Variants in BCAS3 observed in about 807,000 individuals in gnomAD.
BCAS3 encodes BCAS3 microtubule associated cell migration factor.
In BCAS3, 53 loss-of-function variants were observed where a neutral mutation model predicts 116.1. The observed-to-expected ratio is 0.46, with a 90% CI of 0.37 to 0.57. The LOEUF (loss-of-function observed/expected upper bound fraction) is 0.57, where lower values mean the gene tolerates loss of function less well. Ranked by LOEUF, BCAS3 falls within the 20% of genes least tolerant of loss-of-function variation. The probability of loss-of-function intolerance (pLI) is 0.00; values close to 1 mark genes in which losing one functional copy is unlikely to be tolerated. For missense variants in BCAS3, 917 were observed against 1,165.4 expected (o/e 0.79, Z 3.10); for synonymous variants, 391 against 408.2 (o/e 0.96, Z 0.51).
intron 6 of BCAS3, among the ~76,000 whole-genome samples, chr17:60,786,526 T>A (rs995401236): frequency 1.4e-5 from 2 of 146,132 alleles, no homozygotes; most frequent in African/African-American, 5.4e-5. Context: ...TATCTCAACA[T>A]TCCCCACTGC....
intron 4 of BCAS3, among the ~76,000 whole-genome samples, chr17:60,700,171 C>G (rs574750104): frequency 1.1e-4 from 14 of 131,840 alleles, no homozygotes; most frequent in Non-Finnish European, 1.6e-4. Context: ...GAGACCCTGT[C>G]TCAAAAAAAA....
At chr17:61,040,233 G>T (rs1050712870) in intron 18 of BCAS3, among the ~76,000 whole-genome samples, 3 of 152,274 alleles carry the variant, frequency 2.0e-5, no homozygotes, top group African/African-American at 4.8e-5. Flanking sequence ...TACTATGCTG[G>T]ATTGATCTGA....
intron 12 of BCAS3, among the ~76,000 whole-genome samples, chr17:60,922,559 T>C (rs541349057): frequency 3.3e-5 from 5 of 152,290 alleles, no homozygotes; most frequent in East Asian, 3.9e-4. Flanking sequence ...AAATAATTGA[T>C]AGAACAACTA....
intron 22 of BCAS3, among the ~76,000 whole-genome samples, chr17:61,301,944 A>G (rs2053478859): frequency 6.6e-6 from 1 of 152,330 alleles, no homozygotes; most frequent in East Asian, 1.9e-4. Flanking sequence ...AAATGTCTGC[A>G]TATTTTCATA....
intron 22 of BCAS3, among the ~76,000 whole-genome samples, chr17:61,158,287 T>C (rs189200680): frequency 6.6e-6 from 1 of 152,340 alleles, no homozygotes; most frequent in Non-Finnish European, 1.5e-5. Flanking sequence ...TACTTGTGCC[T>C]TTATACCACA....
intron 22 of BCAS3, among the ~76,000 whole-genome samples, chr17:61,329,725 T>C (rs549094340): frequency 5.9e-5 from 9 of 152,240 alleles, no homozygotes; most frequent in African/African-American, 2.2e-4. Context: ...TGACTGACTA[T>C]GGAATAGCTC....
chr17:61,316,309 A>G lies in BCAS3; in HGVS notation c.2426-52018A>G, dbSNP rs1160509190. The stretch of plus-strand genomic sequence containing the variant: ...TGATAGAGTGAGACTCCATCTCAAT[A>G]ATAATAATATTAATAGTAATATAGC... On this transcript the variant is annotated intron_variant, in intron 22 of 23. Transcript: ENST00000407086. The surrounding 1 kb of genome is among the most constrained non-coding windows in gnomAD (Gnocchi z 5.8). Among the ~76,000 whole-genome samples the G allele has an allele frequency of 6.6e-6, 1 of 152,066 alleles. No individual in the cohort carries two copies.
At chr17:61,191,862 A>G (rs2080150133) in intron 22 of BCAS3, among the ~76,000 whole-genome samples, 1 of 152,162 alleles carries the variant, frequency 6.6e-6, no homozygotes, top group Admixed American at 6.5e-5. Flanking sequence ...GTAACTCAGT[A>G]ACAATTTTAG....
chr17:60,714,386 G>A (rs1253981262), intron 5 of BCAS3, among the ~76,000 whole-genome samples: 1 of 152,036 alleles, frequency 6.6e-6, no homozygotes. Flanking sequence ...TAATATAACT[G>A]TCCCGCGGTG....
intron 22 of BCAS3, among the ~76,000 whole-genome samples, chr17:61,125,718 C>G (rs2076015596): frequency 6.6e-6 from 1 of 152,142 alleles, no homozygotes; most frequent in Non-Finnish European, 1.5e-5. Context: ...TGTATAGATA[C>G]AGATGTGGAA....
intron 19 of BCAS3, among the ~76,000 whole-genome samples, chr17:61,066,587 A>G (rs1195219838): frequency 6.6e-6 from 1 of 152,106 alleles, no homozygotes; most frequent in African/African-American, 2.4e-5. Flanking sequence ...AATGAGAGTA[A>G]TTAATTACCT....
chr17:60,841,092 C>T (rs1056935508), intron 7 of BCAS3, among the ~76,000 whole-genome samples: 2 of 151,986 alleles, frequency 1.3e-5, no homozygotes, highest in Non-Finnish European at 2.9e-5. Context: ...TTTTCATATA[C>T]TACTTTAAGT....
intron 14 of BCAS3, among the ~76,000 whole-genome samples, chr17:60,982,312 A>C (rs80074950): frequency 1.3e-5 from 2 of 151,948 alleles, no homozygotes; most frequent in African/African-American, 4.8e-5. Context: ...TAAATTAATT[A>C]ATTTATTTTA....
Position 61,098,647 on chromosome 17 carries a change from TC to T in BCAS3, c.2425+14085del, listed in dbSNP as rs542930815. Among the ~76,000 whole-genome samples, 732 of 152,328 alleles carry T rather than the reference TC, an allele frequency of 4.8e-3. 2 individuals carry two copies. Among genetic ancestry groups the T allele is most frequent in the Non-Finnish European group, 7.3e-3 (494 of 68,030 alleles). On this transcript the variant is annotated intron_variant, in intron 22 of 23. Transcript: ENST00000407086. The surrounding 1 kb of genome is among the most constrained non-coding windows in gnomAD (Gnocchi z 4.2). The stretch of plus-strand genomic sequence containing the variant: ...AATTCGGTTAGCAGATTTTATGGCA[TC>T]CATGATCCATGGACAAGAGTGAGTA...
In BCAS3 at chr17:61,326,525, A is replaced by G. The variant is rs9893180; in HGVS notation, c.2426-41802A>G. On this transcript the variant is annotated intron_variant, in intron 22 of 23. Coordinates refer to ENST00000407086, the MANE Select transcript of BCAS3 (RefSeq NM_017679.5). This position sits in a 1 kb window ranked among gnomAD's most constrained non-coding sequence, Gnocchi z 5.3. Reference sequence around the variant, plus strand: ...GAGAAGTCGAGTAGAACATGATGGAATGGATTAGGCTGGCCCAGTAGCAAA... The same window carrying G: ...GAGAAGTCGAGTAGAACATGATGGAGTGGATTAGGCTGGCCCAGTAGCAAA... 0.029 allele frequency among the ~76,000 whole-genome samples: 4,406 copies of G among 152,272 alleles called. 194 individuals are homozygous for G. The highest frequency in any genetic ancestry group is 0.099 in the African/African-American group (4,110 of 41,546).
At chr17:60,884,572 T>C (rs1358927237) in intron 9 of BCAS3, among the ~76,000 whole-genome samples, 3 of 146,158 alleles carry the variant, frequency 2.1e-5, no homozygotes, top group Admixed American at 1.4e-4. Flanking sequence ...CTTTCTCTTG[T>C]GGGCATTTAG....
chr17:60,958,157 C>A (rs2061236239), intron 14 of BCAS3, among the ~76,000 whole-genome samples: 1 of 152,104 alleles, frequency 6.6e-6, no homozygotes, highest in Non-Finnish European at 1.5e-5. Context: ...TGCTAAGAGT[C>A]CTGGGAGGCC....
At position 61,020,704 on chromosome 17, in the gene BCAS3, C is replaced by T. The variant is rs2065814174; in HGVS notation, c.1637+4803C>T. Among the ~76,000 whole-genome samples, 1 of 152,104 alleles carries T rather than the reference C, an allele frequency of 6.6e-6. No individual in the cohort carries two copies. Among genetic ancestry groups the T allele is most frequent in the Non-Finnish European group, 1.5e-5 (1 of 68,006 alleles). On this transcript the variant is annotated intron_variant, in intron 16 of 23. Coordinates refer to ENST00000407086, the MANE Select transcript of BCAS3 (RefSeq NM_017679.5). This position sits in a 1 kb window ranked among gnomAD's most constrained non-coding sequence, Gnocchi z 4.5. ...GCATTTCATAGATGTTTGGCATTAT[C>T]AAGTGAGTGATCAAGTTTTAAAAAA... is the stretch of plus-strand genomic sequence containing the variant.
chr17:60,823,304 G>A (rs915795477), intron 7 of BCAS3, among the ~76,000 whole-genome samples: 4 of 152,098 alleles, frequency 2.6e-5, no homozygotes, highest in South Asian at 2.1e-4. Context: ...CAAGGGAATC[G>A]TGAGTCCCAG....
Sources: allele counts gnomAD v4.1 joint callset (sites outside exome capture counted in the v4.1 genomes callset), GRCh38; gene constraint gnomAD v4.1.1; non-coding constraint Gnocchi (gnomAD v3.1); transcripts MANE v1.5; gene names NCBI Gene and HGNC (gene_info 2026-07-23, HGNC 2026-07-21).